The following BDP1 variants were observed in gnomAD, a reference collection of about 807,000 sequenced individuals.
The protein encoded by BDP1 is transcription factor TFIIIB component B'' homolog.
Under a neutral mutation model 266.6 loss-of-function variants are expected in BDP1, and 169 were observed. The ratio of observed to expected loss-of-function variants is 0.63; its 90% confidence interval spans 0.56 to 0.72. BDP1 has a LOEUF of 0.72. BDP1 is among the 30% of genes least tolerant of loss of function. The probability of loss-of-function intolerance (pLI) is 0.00; values close to 1 mark genes in which losing one functional copy is unlikely to be tolerated. For synonymous variants in BDP1, 1,090 were observed against 1,022.4 expected (o/e 1.07, Z -1.26); for missense variants, 3,015 against 3,053.8 (o/e 0.99, Z 0.30).
intron 23 of BDP1, 41 bp from the exon 24 acceptor site, chr5:71,522,715 G>T (rs1765567665): frequency 2.6e-6 from 4 of 1,533,332 alleles, no homozygotes; most frequent in Middle Eastern, 1.7e-4. Flanking sequence ...CATAGAGATT[G>T]TTTCTGTAGT....
At chr5:71,517,516 G>C in intron 22 of BDP1, 64 bp downstream of exon 22, 1 of 1,393,932 alleles carries the variant, frequency 7.2e-7, no homozygotes, top group Non-Finnish European at 9.7e-7. Context: ...TTTTTGCATA[G>C]TTGACTTTAT....
intron 25 of BDP1, among the ~76,000 whole-genome samples, chr5:71,529,607 C>G (rs926297707): frequency 1.3e-5 from 2 of 152,188 alleles, no homozygotes; most frequent in African/African-American, 4.8e-5. Flanking sequence ...GGGAGGGTTG[C>G]TTGAACCCAG....
intron 12 of BDP1, among the ~76,000 whole-genome samples, chr5:71,496,261 A>G (rs1044646379): frequency 6.6e-6 from 1 of 151,190 alleles, no homozygotes; most frequent in Non-Finnish European, 1.5e-5. Flanking sequence ...AAAAAAAGAA[A>G]GCTATTCAGT....
rs757527892 is a variant in BDP1 at position 71,455,989 on chromosome 5, G to C, written c.112G>C (p.Asp38His). The change falls in exon 1 of 39, where the codon GAT becomes CAT. Residue 38 changes from aspartate to histidine, a missense_variant. Coordinates refer to ENST00000358731, the MANE Select transcript of BDP1 (RefSeq NM_018429.3). ...QRGRESPRPPDPATDSASKPA... is the reference protein window; with the variant it reads ...QRGRESPRPPHPATDSASKPA... The stretch of plus-strand genomic sequence containing the variant: ...TGGACGGGAGTCTCCCAGGCCGCCG[G>C]ATCCTGCCACGGACTCTGCTTCCAA... 11 of 1,613,532 alleles carry C rather than the reference G, an allele frequency of 6.8e-6. No homozygotes were observed. Among genetic ancestry groups the C allele is most frequent in the Non-Finnish European group, 8.5e-6 (10 of 1,179,984 alleles).
At chr5:71,469,551 G>A (rs1762108713) in intron 6 of BDP1, among the ~76,000 whole-genome samples, 1 of 152,020 alleles carries the variant, frequency 6.6e-6, no homozygotes, top group Non-Finnish European at 1.5e-5. Flanking sequence ...AGAGCACTTT[G>A]AATAAGATCA....
At chr5:71,484,130 G>A (rs1448569077) in intron 8 of BDP1, among the ~76,000 whole-genome samples, 1 of 152,150 alleles carries the variant, frequency 6.6e-6, no homozygotes, top group Non-Finnish European at 1.5e-5. Flanking sequence ...AGTCCAAGAA[G>A]TTATGGAGGG....
chr5:71,515,385 A>C (rs1015340961), intron 20 of BDP1, among the ~76,000 whole-genome samples: 3 of 152,198 alleles, frequency 2.0e-5, no homozygotes, highest in African/African-American at 7.2e-5. Context: ...GAGCATCCCT[A>C]ATAAAAAATT....
intron 36 of BDP1, 43 bp from the exon 37 acceptor site, chr5:71,559,939 T>G: frequency 3.8e-6 from 6 of 1,599,318 alleles, no homozygotes; most frequent in Non-Finnish European, 5.1e-6. Context: ...TGGAGTGTAT[T>G]AACTTCAGTA....
intron 26 of BDP1, among the ~76,000 whole-genome samples, chr5:71,535,155 C>T (rs1301506657): frequency 2.0e-5 from 3 of 151,796 alleles, no homozygotes; most frequent in South Asian, 2.1e-4. Flanking sequence ...AGATGCTCCT[C>T]GACTTATGAG....
At chr5:71,543,355 G>A (rs1767085228) in intron 30 of BDP1, among the ~76,000 whole-genome samples, 1 of 152,218 alleles carries the variant, frequency 6.6e-6, no homozygotes, top group Non-Finnish European at 1.5e-5. Flanking sequence ...TAGCCCTTTG[G>A]GAGGCAGAGG....
rs753474617 is a variant in BDP1 at position 71,524,205 on chromosome 5, A to G, written c.5654A>G (p.Tyr1885Cys). Residue 1885 changes from tyrosine (Y) to cysteine (C), a missense_variant, in exon 25 of 39, where the codon TAT becomes TGT. By Grantham distance (194) the Tyr-to-Cys change is radical (BLOSUM62 -2). Coordinates refer to ENST00000358731, the MANE Select transcript of BDP1 (RefSeq NM_018429.3). ...DDDADDFESD[Y>C]EEESYHLAPE... ...GATGCTGACGATTTTGAGTCTGACTATGAGGAAGAAAGCTATCATCTTGCT... is the reference window on the plus strand; with the variant it reads ...GATGCTGACGATTTTGAGTCTGACTGTGAGGAAGAAAGCTATCATCTTGCT... 18 of 1,614,226 alleles carry G rather than the reference A, an allele frequency of 1.1e-5. No homozygotes were observed. The East Asian group carries it at 1.6e-4, about 14-fold the overall frequency.
downstream of BDP1, among the ~76,000 whole-genome samples, chr5:71,570,305 TTC>T (rs2112179983): frequency 1.3e-5 from 2 of 152,322 alleles, no homozygotes; most frequent in South Asian, 4.1e-4. Context: ...ATAACCATAG[TTC>T]TCTCTGCAGA....
At chr5:71,463,850 T>C (rs1761721216) in intron 3 of BDP1, among the ~76,000 whole-genome samples, 1 of 151,000 alleles carries the variant, frequency 6.6e-6, no homozygotes, top group African/African-American at 2.4e-5. Context: ...AAAAAAAGTA[T>C]TCTTTACTTA....
chr5:71,552,583 C>T (rs541084114), intron 34 of BDP1, among the ~76,000 whole-genome samples: 4 of 152,248 alleles, frequency 2.6e-5, no homozygotes, highest in Non-Finnish European at 5.9e-5. Flanking sequence ...GTCGGGAGGC[C>T]GAGGCCGGCG....
chr5:71,550,487 A>T (rs1180357939), intron 34 of BDP1, among the ~76,000 whole-genome samples: 29 of 151,386 alleles, frequency 1.9e-4, no homozygotes, highest in Admixed American at 1.9e-3. Context: ...CTTTTTTCAG[A>T]GGTAGAGTCT....
At chr5:71,544,040 G>A (rs964303975) in intron 30 of BDP1, among the ~76,000 whole-genome samples, 7 of 152,118 alleles carry the variant, frequency 4.6e-5, no homozygotes, top group East Asian at 3.9e-4. Flanking sequence ...GCCCAACCTC[G>A]GTGTACCCAC....
chr5:71,559,270 A>G (rs2112077474), intron 36 of BDP1, among the ~76,000 whole-genome samples: 1 of 152,356 alleles, frequency 6.6e-6, no homozygotes, highest in Admixed American at 6.5e-5. Context: ...GAGATGTTCT[A>G]AGATTGCTCC....
At chr5:71,536,170 T>C (rs1766586053) in intron 26 of BDP1, among the ~76,000 whole-genome samples, 1 of 152,164 alleles carries the variant, frequency 6.6e-6, no homozygotes, top group African/African-American at 2.4e-5. Flanking sequence ...TTTTTCATAA[T>C]TGAGATTTTA....
At position 71,564,966 on chromosome 5, in the gene BDP1, C is replaced by G; in HGVS notation, c.*81C>G. ...TACATCAACAAAACAGTATTTAGAGCAAAATATCACTGTCTTATTTTTCTT... is the reference window on the plus strand; with the variant it reads ...TACATCAACAAAACAGTATTTAGAGGAAAATATCACTGTCTTATTTTTCTT... On this transcript the variant is annotated 3_prime_UTR_variant, in exon 39 of 39. Coordinates refer to ENST00000358731, the MANE Select transcript of BDP1 (RefSeq NM_018429.3). The G allele has an allele frequency of 1.6e-6, 2 of 1,239,312 alleles. No homozygotes were observed. Among genetic ancestry groups the G allele is most frequent in the Non-Finnish European group, 2.2e-6 (2 of 892,642 alleles). The allele number at this position is 1,239,312 out of a possible 1,614,324, so 76.8% of individuals were successfully genotyped here.
Sources: gnomAD v4.1 joint callset for allele counts (sites outside exome capture counted in the v4.1 genomes callset) on GRCh38, gnomAD v4.1.1 for gene constraint, MANE v1.5 for transcripts, NCBI Gene and HGNC (gene_info 2026-07-23, HGNC 2026-07-21) for gene names.